PIK3C2G: variants seen among roughly 807,000 people sequenced by gnomAD.
PIK3C2G encodes the protein phosphatidylinositol-4-phosphate 3-kinase catalytic subunit type 2 gamma.
Under a neutral mutation model 181.1 loss-of-function variants are expected in PIK3C2G, and 168 were observed. The ratio of observed to expected loss-of-function variants is 0.93; its 90% CI spans 0.82 to 1.05. PIK3C2G has a LOEUF of 1.05. Ranked by LOEUF, PIK3C2G falls within the 50% of genes least tolerant of loss-of-function variation. The pLI, the probability that PIK3C2G is intolerant of heterozygous loss-of-function variation, is 0.00. For missense variants in PIK3C2G, 1,869 were observed against 1,732.8 expected (o/e 1.08, Z -1.40); for synonymous variants, 573 against 592.2 (o/e 0.97, Z 0.47).
chr12:18,538,511 C>T (rs1943985212), intron 25 of PIK3C2G, among the ~76,000 whole-genome samples, 199 bp downstream of exon 25: 1 of 151,974 alleles, frequency 6.6e-6, no homozygotes, highest in East Asian at 1.9e-4. Flanking sequence ...GTTATTGTCT[C>T]AAACATTCCT....
Position 18,596,703 on chromosome 12 carries a change from G to A in PIK3C2G, c.4087+2134G>A, listed in dbSNP as rs76675511. ...AACACAAGCTTTCAATCATTACCTC[G>A]TATCACTACCTCCCATTTGAGATGT... is the stretch of plus-strand genomic sequence containing the variant. On this transcript the variant is annotated intron_variant, in intron 30 of 32. Coordinates refer to ENST00000538779, the MANE Select transcript of PIK3C2G (RefSeq NM_001288772.2). 5.8e-3 allele frequency among the ~76,000 whole-genome samples: 886 copies of A among 152,064 alleles called. 2 individuals are homozygous for A. Among genetic ancestry groups the A allele is most frequent in the Middle Eastern group, 0.01 (3 of 294 alleles).
intron 12 of PIK3C2G, among the ~76,000 whole-genome samples, chr12:18,368,945 A>G (rs1374230553): frequency 6.6e-6 from 1 of 152,182 alleles, no homozygotes; most frequent in Admixed American, 6.5e-5. Context: ...CAGATTAGAA[A>G]GCCAACTCCT....
chr12:18,480,922 TTTTTTTA>T (rs1939496836), intron 18 of PIK3C2G, among the ~76,000 whole-genome samples: 2 of 151,902 alleles, frequency 1.3e-5, no homozygotes, highest in Admixed American at 6.6e-5. Context: ...GAGTTTTTTA[TTTTTTTA>T]TTTTTTTATT....
chr12:18,702,968 A>G, the PIK3C2G span, among the ~76,000 whole-genome samples: 1 of 151,718 alleles, frequency 6.6e-6, no homozygotes, highest in Non-Finnish European at 1.5e-5. Context: ...TTACAGGGTA[A>G]CTTTAATTCT....
chr12:18,312,468 G>C (rs1365262471), intron 5 of PIK3C2G, among the ~76,000 whole-genome samples: 1 of 152,098 alleles, frequency 6.6e-6, no homozygotes, highest in African/African-American at 2.4e-5. Context: ...GGGAAACAGA[G>C]CTCTTAGCAT....
At chr12:18,320,810 C>G (rs1331834798) in intron 6 of PIK3C2G, among the ~76,000 whole-genome samples, 152 bp from the exon 7 acceptor site, 1 of 152,122 alleles carries the variant, frequency 6.6e-6, no homozygotes, top group Non-Finnish European at 1.5e-5. Flanking sequence ...TTAAGGAGAG[C>G]CTTTTAAGGT....
intron 24 of PIK3C2G, among the ~76,000 whole-genome samples, chr12:18,515,481 T>C (rs1437576973): frequency 6.6e-6 from 1 of 152,030 alleles, no homozygotes; most frequent in Non-Finnish European, 1.5e-5. Context: ...TTTACCTATT[T>C]CTGCTGGATT....
At chr12:18,628,255 C>T (rs955650690) in intron 31 of PIK3C2G, among the ~76,000 whole-genome samples, 1 of 151,912 alleles carries the variant, frequency 6.6e-6, no homozygotes, top group Non-Finnish European at 1.5e-5. Flanking sequence ...ACTATGAGTG[C>T]AAAATAAATA....
At chr12:18,575,002 T>C (rs1946158056) in intron 29 of PIK3C2G, among the ~76,000 whole-genome samples, 1 of 152,162 alleles carries the variant, frequency 6.6e-6, no homozygotes, top group African/African-American at 2.4e-5. Context: ...TGACTCAGCA[T>C]GTTGGCTTAT....
chr12:18,437,690 T>A (rs1235125992), intron 18 of PIK3C2G, among the ~76,000 whole-genome samples: 1 of 151,948 alleles, frequency 6.6e-6, no homozygotes, highest in Non-Finnish European at 1.5e-5. Context: ...GGAACTTCTG[T>A]TTTCTTCCAA....
At chr12:18,391,025 T>C in intron 14 of PIK3C2G, 97 bp from the exon 15 acceptor site, 1 of 768,868 alleles carries the variant, frequency 1.3e-6, no homozygotes, top group African/African-American at 1.8e-5. Flanking sequence ...GAATTTATTC[T>C]GTTCTTTAGT....
chr12:18,337,844 A>AT (rs1310665145), intron 8 of PIK3C2G, among the ~76,000 whole-genome samples: 2 of 152,116 alleles, frequency 1.3e-5, no homozygotes, highest in East Asian at 3.9e-4. Flanking sequence ...GTCATCAGCG[A>AT]TTTTTTTGAA....
At chr12:18,335,400 C>T (rs1235284527) in intron 8 of PIK3C2G, among the ~76,000 whole-genome samples, 1 of 151,968 alleles carries the variant, frequency 6.6e-6, no homozygotes, top group African/African-American at 2.4e-5. Context: ...TGTCTGCAAC[C>T]CTGAGATTTA....
At chr12:18,325,507 G>C (rs1591959623) in intron 8 of PIK3C2G, among the ~76,000 whole-genome samples, 1 of 151,898 alleles carries the variant, frequency 6.6e-6, no homozygotes, top group African/African-American at 2.4e-5. Context: ...AAGAGATCGA[G>C]ACCATCCTGG....
intron 24 of PIK3C2G, among the ~76,000 whole-genome samples, chr12:18,510,624 C>G (rs1430100474): frequency 6.6e-6 from 1 of 152,012 alleles, no homozygotes; most frequent in Non-Finnish European, 1.5e-5. Context: ...AGCTTTCTTT[C>G]TAGATAATTT....
chr12:18,294,082 T>C (rs1333702682), intron 5 of PIK3C2G, 67 bp downstream of exon 5: 1 of 731,496 alleles, frequency 1.4e-6, no homozygotes, highest in African/African-American at 1.8e-5. Context: ...TTGTTTATGG[T>C]TTTGTTTTAA....
intron 24 of PIK3C2G, among the ~76,000 whole-genome samples, chr12:18,530,900 T>A (rs1312126691): frequency 6.6e-6 from 1 of 152,126 alleles, no homozygotes; most frequent in Non-Finnish European, 1.5e-5. Flanking sequence ...TTAAACCTCT[T>A]TTCTCCATAA....
At chr12:18,684,056 G>T in the PIK3C2G span, 1 of 1,514,812 alleles carries the variant, frequency 6.6e-7, no homozygotes, top group Non-Finnish European at 9.1e-7. Flanking sequence ...TATTTGGTAT[G>T]TCAAAATGTG....
At chr12:18,390,712 G>T (rs1466812113) in intron 14 of PIK3C2G, among the ~76,000 whole-genome samples, 1 of 151,852 alleles carries the variant, frequency 6.6e-6, no homozygotes, top group Non-Finnish European at 1.5e-5. Context: ...TTTTCAGGCG[G>T]GTTACATGAA....
Sources: gnomAD v4.1 joint callset for allele counts (sites outside exome capture counted in the v4.1 genomes callset) on GRCh38, gnomAD v4.1.1 for gene constraint, MANE v1.5 for transcripts, NCBI Gene and HGNC (gene_info 2026-07-23, HGNC 2026-07-21) for gene names.